PIK3CD: variants seen among roughly 807,000 people sequenced by gnomAD.
PIK3CD encodes phosphatidylinositol-4,5-bisphosphate 3-kinase catalytic subunit delta.
A neutral mutation model predicts 122.9 loss-of-function variants in PIK3CD; 20 were observed. That is an observed-to-expected ratio of 0.16 (90% CI 0.11 to 0.24). PIK3CD has a LOEUF of 0.24. PIK3CD is among the 10% of genes least tolerant of loss of function. PIK3CD has a pLI of 1.00. For missense variants in PIK3CD, 787 were observed against 1,406.3 expected, an observed-to-expected ratio of 0.56 and a Z score of 7.04; for synonymous variants, 596 against 593.4, an observed-to-expected ratio of 1.00 and a Z score of -0.06.
At chr1:9,707,095 G>A (rs1334992367) in intron 2 of PIK3CD, among the ~76,000 whole-genome samples, 1 of 151,336 alleles carries the variant, frequency 6.6e-6, no homozygotes, top group African/African-American at 2.4e-5. Flanking sequence ...TTACAGGCAT[G>A]AGCCACCATG....
At chr1:9,683,581 G>A (rs1039364619) in intron 1 of PIK3CD, among the ~76,000 whole-genome samples, 3 of 152,056 alleles carry the variant, frequency 2.0e-5, no homozygotes, top group Admixed American at 6.6e-5. Context: ...CTTCCTGCAC[G>A]GCTTCGGCGT....
At chr1:9,686,524 T>A (rs999180587) in intron 1 of PIK3CD, among the ~76,000 whole-genome samples, 3 of 151,926 alleles carry the variant, frequency 2.0e-5, no homozygotes, top group Admixed American at 2.0e-4. Flanking sequence ...ATTTTTCTTT[T>A]CTTTTTAAAA....
Position 9,719,591 on chromosome 1 carries a change from G to A in PIK3CD, c.1243-330G>A, listed in dbSNP as rs1299985377. ...CAGGATAATTGCTTGAACCAAGGAG[G>A]CAGAGGTTGCAATGAGCCGAGATCG... is the stretch of plus-strand genomic sequence containing the variant. On this transcript the variant is annotated intron_variant, in intron 9 of 23. Transcript: ENST00000377346. This position sits in a 1 kb window ranked among gnomAD's most constrained non-coding sequence, Gnocchi z 5.5. 6.6e-6 allele frequency among the ~76,000 whole-genome samples: 1 copy of A among 151,772 alleles called. No homozygotes were observed. Among genetic ancestry groups the A allele is most frequent in the Non-Finnish European group, 1.5e-5 (1 of 67,968 alleles).
At chr1:9,648,993 T>G (rs1413415812), upstream of PIK3CD, among the ~76,000 whole-genome samples, 19 of 152,060 alleles carry the variant, frequency 1.2e-4, no homozygotes, top group Admixed American at 1.2e-3. Flanking sequence ...TCCCAGCTAC[T>G]TGGGAGGCTG....
chr1:9,710,654 G>GAC lies in PIK3CD; in HGVS notation c.141+62_141+63dup, dbSNP rs1000703361. 2.3e-5 allele frequency: 33 copies of GAC among 1,445,392 alleles called. No homozygotes were observed. The highest frequency in any genetic ancestry group is 1.8e-4 in the East Asian group (8 of 43,772). The allele number at this position is 1,445,392 out of a possible 1,614,324, so 89.5% of individuals were successfully genotyped here. A position where few individuals can be genotyped will look rare whatever the true frequency, so the allele number is the denominator to read the frequency against. On this transcript the variant is annotated intron_variant, in intron 3 of 23. Transcript: ENST00000377346. This position sits in a 1 kb window ranked among gnomAD's most constrained non-coding sequence, Gnocchi z 4.7. ...GCTCAGAGAGAGAGAGAGAGAGAGA[G>GAC]ACACAGATAGACAGACAGACAGACA...
Position 9,689,976 on chromosome 1 carries a change from C to T in PIK3CD, c.-137-1491C>T, listed in dbSNP as rs1557627971. Among the ~76,000 whole-genome samples the T allele has an allele frequency of 6.6e-6, 1 of 152,214 alleles. No homozygotes were observed. The highest frequency in any genetic ancestry group is 1.5e-5 in the Non-Finnish European group (1 of 68,024). On this transcript the variant is annotated intron_variant, in intron 1 of 23. Coordinates refer to ENST00000377346, the MANE Select transcript of PIK3CD (RefSeq NM_005026.5). The surrounding 1 kb of genome is among the most constrained non-coding windows in gnomAD (Gnocchi z 6.1). ...ATCTGGTTGCTTCCTTTTGTGCCCC[C>T]CGGGGGTCAGGAATCCCAGGTTTCT...
chr1:9,722,053 A>G lies in PIK3CD; in HGVS notation c.2134A>G (p.Lys712Glu). 6.2e-7 allele frequency: 1 copy of G among 1,613,698 alleles called. No individual in the cohort carries two copies. Among genetic ancestry groups the G allele is most frequent in the Non-Finnish European group, 8.5e-7 (1 of 1,180,002 alleles). ...SSQKTPKPQT[K>E]ELMHLCMRQE... ...TCAGAAGACCCCCAAGCCCCAGACC[A>G]AGGAGCTGATGCACTTGTGCATGCG... The change falls in exon 17 of 24, where the codon AAG becomes GAG. Residue 712 changes from lysine to glutamate, a missense_variant. Coordinates refer to ENST00000377346, the MANE Select transcript of PIK3CD (RefSeq NM_005026.5). The surrounding 1 kb of genome is among the most constrained non-coding windows in gnomAD (Gnocchi z 7.6).
In PIK3CD at chr1:9,720,942, G is replaced by A. The variant is rs997024938; in HGVS notation, c.1689+33G>A. The A allele has an allele frequency of 4.5e-6, 7 of 1,552,596 alleles. No individual in the cohort carries two copies. Among genetic ancestry groups the A allele is most frequent in the African/African-American group, 1.4e-5 (1 of 73,296 alleles). ...GGGAGGCGCACCTGGGGGCGGAGCT[G>A]GGGGCAGACCACAGCCTCTGGCTAC... On this transcript the variant is annotated intron_variant, in intron 13 of 23. Coordinates refer to ENST00000377346, the MANE Select transcript of PIK3CD (RefSeq NM_005026.5). The surrounding 1 kb of genome is among the most constrained non-coding windows in gnomAD (Gnocchi z 9.0).
Position 9,722,407 on chromosome 1 carries a change from G to A in PIK3CD, c.2347+51G>A. On this transcript the variant is annotated intron_variant, in intron 18 of 23. Coordinates refer to ENST00000377346, the MANE Select transcript of PIK3CD (RefSeq NM_005026.5). The surrounding 1 kb of genome is among the most constrained non-coding windows in gnomAD (Gnocchi z 7.6). ...CGCCTGTACTGCCCTGGGGGGTCCT[G>A]GGGTGCTCCTAGAGTGGGGGTGGAG... is the stretch of plus-strand genomic sequence containing the variant. 6.4e-7 allele frequency: 1 copy of A among 1,565,320 alleles called. No individual in the cohort carries two copies. Among genetic ancestry groups the A allele is most frequent in the Non-Finnish European group, 8.8e-7 (1 of 1,138,638 alleles).
the PIK3CD span, among the ~76,000 whole-genome samples, chr1:9,633,588 C>T: frequency 6.6e-6 from 1 of 152,314 alleles, no homozygotes; most frequent in African/African-American, 2.4e-5. Context: ...GGATTACAGG[C>T]GTGAGCCATC....
Position 9,720,666 on chromosome 1 carries a change from G to A in PIK3CD, c.1521+5G>A. The stretch of plus-strand genomic sequence containing the variant: ...GTGCATGTCACCGAGGAGGAGGTGA[G>A]TGGGGTGGGGGTGTGGGGTGGGGGG... On this transcript the variant is annotated splice_donor_5th_base_variant and intron_variant, in intron 12 of 23. Coordinates refer to ENST00000377346, the MANE Select transcript of PIK3CD (RefSeq NM_005026.5). The surrounding 1 kb of genome is among the most constrained non-coding windows in gnomAD (Gnocchi z 9.0). 1 of 1,539,492 alleles carries A rather than the reference G, an allele frequency of 6.5e-7. No individual in the cohort carries two copies. The highest frequency in any genetic ancestry group is 8.7e-7 in the Non-Finnish European group (1 of 1,145,414).
At chr1:9,676,445 G>T (rs1298265566) in intron 1 of PIK3CD, among the ~76,000 whole-genome samples, 1 of 152,236 alleles carries the variant, frequency 6.6e-6, no homozygotes, top group African/African-American at 2.4e-5. Context: ...TGGGCAGAAG[G>T]ACGCAGCTCT....
chr1:9,728,455 T>G lies in PIK3CD; in HGVS notation c.*1409T>G, dbSNP rs950277977. 4 of 152,264 alleles carry G rather than the reference T, an allele frequency of 2.6e-5. No individual in the cohort carries two copies. Among genetic ancestry groups the G allele is most frequent in the African/African-American group, 9.6e-5 (4 of 41,454 alleles). 9.4% of individuals were successfully genotyped at this position (152,264 alleles called of 1,614,324 possible). ...CATATCAGGCCATGGACTCAGGACC[T>G]GCCCGGTGATGCTGTTGATTTCTCA... On this transcript the variant is annotated 3_prime_UTR_variant, in exon 24 of 24. Transcript: ENST00000377346.
chr1:9,705,801 T>G (rs1411639668), intron 2 of PIK3CD, among the ~76,000 whole-genome samples: 1 of 152,078 alleles, frequency 6.6e-6, no homozygotes, highest in Non-Finnish European at 1.5e-5. Flanking sequence ...CAAAAATGAG[T>G]AAATTTGACA....
At position 9,680,273 on chromosome 1, in the gene PIK3CD, G is replaced by A. The variant is rs866612534; in HGVS notation, c.-137-11194G>A. Among the ~76,000 whole-genome samples the A allele has an allele frequency of 4.8e-5, 7 of 145,128 alleles. No homozygotes were observed. The Middle Eastern group carries it at 0.01, about 212-fold the overall frequency. ...TTACAGGTGTCAGTCACCAAACCCCGCCTCAGTGGTTTTTAGTATATTCAC... is the reference window on the plus strand; with the variant it reads ...TTACAGGTGTCAGTCACCAAACCCCACCTCAGTGGTTTTTAGTATATTCAC... On this transcript the variant is annotated intron_variant, in intron 1 of 23. Transcript: ENST00000377346.
intron 1 of PIK3CD, among the ~76,000 whole-genome samples, chr1:9,678,386 G>A (rs1371948963): frequency 6.6e-6 from 1 of 152,094 alleles, no homozygotes; most frequent in Non-Finnish European, 1.5e-5. Flanking sequence ...AGTCCGGGAG[G>A]TTGAGGCTGC....
chr1:9,721,055 G>A, intron 13 of PIK3CD, 72 bp from the exon 14 acceptor site: 2 of 1,476,588 alleles, frequency 1.4e-6, no homozygotes, highest in Non-Finnish European at 9.3e-7. Context: ...ACCCTGGCTG[G>A]CCATCACCCT....
At chr1:9,688,921 T>G (rs1005003034) in intron 1 of PIK3CD, among the ~76,000 whole-genome samples, 2 of 152,090 alleles carry the variant, frequency 1.3e-5, no homozygotes, top group African/African-American at 4.8e-5. Flanking sequence ...CCCGTTGTAA[T>G]GGATAGATGC....
At chr1:9,714,748 G>A (rs1647206841) in intron 3 of PIK3CD, among the ~76,000 whole-genome samples, 1 of 152,112 alleles carries the variant, frequency 6.6e-6, no homozygotes, top group East Asian at 1.9e-4. Flanking sequence ...ACTCAGTGGT[G>A]AACACCTTTC....
Sources: gnomAD v4.1 joint callset for allele counts (sites outside exome capture counted in the v4.1 genomes callset) on GRCh38, gnomAD v4.1.1 for gene constraint, Gnocchi (gnomAD v3.1) non-coding constraint, MANE v1.5 for transcripts, NCBI Gene and HGNC (gene_info 2026-07-23, HGNC 2026-07-21) for gene names.